NR6A1: variants seen among roughly 807,000 people sequenced by gnomAD.
The protein encoded by NR6A1 is nuclear receptor subfamily 6 group A member 1, also known as retinoic acid receptor-related testis-associated receptor.
Under a neutral mutation model 59.1 loss-of-function variants are expected in NR6A1, and 7 were observed. The observed-to-expected ratio is 0.12, with a 90% confidence interval of 0.07 to 0.22. The LOEUF is 0.22. Among genes scored for constraint, NR6A1 ranks in the 10% least tolerant of loss-of-function variants. The pLI is 1.00. For synonymous variants in NR6A1, 243 were observed against 236.1 expected (o/e 1.03, Z -0.27); for missense variants, 468 against 611.6 (o/e 0.77, Z 2.48).
chr9:124,518,233 A>G lies in NR6A1; in HGVS notation c.*4472T>C, dbSNP rs1410997824. On this transcript the variant is annotated 3_prime_UTR_variant, in exon 10 of 10. Coordinates refer to ENST00000487099, the MANE Select transcript of NR6A1 (RefSeq NM_033334.4). ...ACGGATGCTAGATGGGAACTGGGCT[A>G]GACAGAGGGACCAGGCTTCTATGAG... 2.0e-5 allele frequency: 3 copies of G among 148,380 alleles called. No homozygotes were observed. The highest frequency in any genetic ancestry group is 3.0e-5 in the Non-Finnish European group (2 of 67,378). The allele number at this position is 148,380 out of a possible 1,614,324, so 9.2% of individuals were successfully genotyped here.
chr9:124,678,719 T>C (rs1255639060), intron 2 of NR6A1, among the ~76,000 whole-genome samples: 3 of 152,234 alleles, frequency 2.0e-5, no homozygotes, highest in Non-Finnish European at 4.4e-5. Flanking sequence ...CTCTCTCTAG[T>C]TCATTTATAT....
intron 2 of NR6A1, among the ~76,000 whole-genome samples, chr9:124,665,327 C>T (rs1837580467): frequency 6.6e-6 from 1 of 152,150 alleles, no homozygotes; most frequent in Non-Finnish European, 1.5e-5. Flanking sequence ...AAAATACGCT[C>T]AGCTCCATTT....
At chr9:124,584,025 G>A (rs1834847786) in intron 2 of NR6A1, among the ~76,000 whole-genome samples, 1 of 151,774 alleles carries the variant, frequency 6.6e-6, no homozygotes, top group Non-Finnish European at 1.5e-5. Flanking sequence ...ACCAAGCACA[G>A]AGCAATCACT....
chr9:124,683,748 G>A (rs1270889611), intron 2 of NR6A1, among the ~76,000 whole-genome samples: 1 of 152,144 alleles, frequency 6.6e-6, no homozygotes. Flanking sequence ...AGCCAAGATC[G>A]CACCATTGCA....
At chr9:124,567,516 T>C (rs910703043) in intron 2 of NR6A1, among the ~76,000 whole-genome samples, 1 of 151,946 alleles carries the variant, frequency 6.6e-6, no homozygotes, top group African/African-American at 2.4e-5. Context: ...GCAATCCCAG[T>C]ACTTAGGGGA....
chr9:124,630,337 T>G (rs963774187), intron 2 of NR6A1, among the ~76,000 whole-genome samples: 1 of 150,140 alleles, frequency 6.7e-6, no homozygotes, highest in African/African-American at 2.5e-5. Context: ...TGTCTCAGCC[T>G]CCTGAGTAGC....
rs539368080 is a variant in NR6A1, at chr9:124,687,607, T to TTC, written c.142+45699_142+45700dup. ...CCCATATACAACTTAACCTTTGAGA[T>TTC]TCTTTTTTTCTCCTTCCTAACACTC... On this transcript the variant is annotated intron_variant, in intron 2 of 9. Coordinates refer to ENST00000487099, the MANE Select transcript of NR6A1 (RefSeq NM_033334.4). Among the ~76,000 whole-genome samples, 90 of 152,272 alleles carry TTC rather than the reference T, an allele frequency of 5.9e-4. 1 individual carries two copies. The South Asian group carries it at 0.018, about 31-fold the overall frequency.
intron 2 of NR6A1, among the ~76,000 whole-genome samples, chr9:124,689,795 G>A (rs1838465038): frequency 6.6e-6 from 1 of 152,128 alleles, no homozygotes; most frequent in Non-Finnish European, 1.5e-5. Context: ...AACCTACTTA[G>A]ATATACCTTT....
intron 1 of NR6A1, among the ~76,000 whole-genome samples, chr9:124,759,110 C>T (rs961846578): frequency 1.3e-5 from 2 of 152,172 alleles, no homozygotes; most frequent in African/African-American, 4.8e-5. Flanking sequence ...ATCTATTAAC[C>T]CACACTGCCT....
At chr9:124,664,945 G>A (rs974998236) in intron 2 of NR6A1, among the ~76,000 whole-genome samples, 6 of 149,528 alleles carry the variant, frequency 4.0e-5, no homozygotes, top group Admixed American at 4.0e-4. Context: ...GGCAAAGCTG[G>A]GAGGATCACT....
intron 2 of NR6A1, chr9:124,692,549 T>C: frequency 1.9e-6 from 1 of 514,156 alleles, no homozygotes; most frequent in South Asian, 1.4e-5. Flanking sequence ...CTTGGGGTCC[T>C]TACAGACGAC....
intron 2 of NR6A1, among the ~76,000 whole-genome samples, chr9:124,729,411 T>C (rs973853582): frequency 6.6e-6 from 1 of 152,048 alleles, no homozygotes; most frequent in African/African-American, 2.4e-5. Flanking sequence ...TAAAAAATAT[T>C]TGAAAGAGAA....
At chr9:124,742,509 G>A (rs1016927776) in intron 1 of NR6A1, among the ~76,000 whole-genome samples, 8 of 151,812 alleles carry the variant, frequency 5.3e-5, no homozygotes, top group African/African-American at 1.7e-4. Flanking sequence ...GTGGTGAGCC[G>A]AGATCGCACC....
chr9:124,696,520 C>CTTTTTTT (rs10625540), intron 2 of NR6A1, among the ~76,000 whole-genome samples: 12 of 104,988 alleles, frequency 1.1e-4, no homozygotes, highest in African/African-American at 1.9e-4. Flanking sequence ...TGTTCTCTAG[C>CTTTTTTT]TTTTTTTTTT....
intron 6 of NR6A1, among the ~76,000 whole-genome samples, chr9:124,537,652 A>G (rs1833309616): frequency 6.6e-6 from 1 of 152,180 alleles, no homozygotes; most frequent in Non-Finnish European, 1.5e-5. Flanking sequence ...TCAAGCCTGC[A>G]CTTAAAGTGG....
chr9:124,535,912 C>T lies in NR6A1; in HGVS notation c.1045G>A (p.Ala349Thr). 1 of 1,614,192 alleles carries T rather than the reference C, an allele frequency of 6.2e-7. No homozygotes were observed. The highest frequency in any genetic ancestry group is 8.5e-7 in the Non-Finnish European group (1 of 1,180,034). The part of the protein sequence containing the change: ...QIFGELADVT[A>T]KYSPSDEELH... Reference sequence around the variant, plus strand: ...TCTTCATCGGAGGGCGAGTACTTGGCAGTGACATCAGCCAGTTCCCCAAAG... The same window carrying T: ...TCTTCATCGGAGGGCGAGTACTTGGTAGTGACATCAGCCAGTTCCCCAAAG... Residue 349 changes from alanine to threonine, a missense_variant, in exon 7 of 10, where the codon GCC (alanine) becomes ACC (threonine). Ala to Thr is a moderately conservative substitution (Grantham distance 58). Around this residue, in one of 4 missense-constraint regions of NR6A1, gnomAD observed 176 missense variants for 264.0 expected, o/e 0.67. Coordinates refer to ENST00000487099, the MANE Select transcript of NR6A1 (RefSeq NM_033334.4).
chr9:124,596,794 G>A (rs138810949), intron 2 of NR6A1, among the ~76,000 whole-genome samples: 2 of 152,176 alleles, frequency 1.3e-5, no homozygotes, highest in African/African-American at 4.8e-5. Flanking sequence ...TTGGAGCCAC[G>A]TGCTAATGGC....
chr9:124,744,532 G>T (rs1051112515), intron 1 of NR6A1, among the ~76,000 whole-genome samples: 2 of 152,222 alleles, frequency 1.3e-5, no homozygotes, highest in African/African-American at 4.8e-5. Context: ...CGCAGTGCAT[G>T]TTCTGCAACA....
intron 2 of NR6A1, among the ~76,000 whole-genome samples, chr9:124,715,094 A>C (rs957930751): frequency 1.3e-5 from 2 of 151,804 alleles, no homozygotes; most frequent in Non-Finnish European, 2.9e-5. Context: ...GCTACTCGGG[A>C]GGCTGAGGCA....
Sources: gnomAD v4.1 joint callset for allele counts (sites outside exome capture counted in the v4.1 genomes callset) on GRCh38, gnomAD v4.1.1 for gene constraint, gnomAD v4.1.1 regional missense constraint, MANE v1.5 for transcripts, NCBI Gene and HGNC (gene_info 2026-07-23, HGNC 2026-07-21) for gene names.